The following BCAR3 variants were observed in gnomAD, a reference collection of about 807,000 sequenced individuals.
BCAR3 encodes the protein BCAR3 adaptor protein, NSP family member, also known as breast cancer anti-estrogen resistance protein 3.
In BCAR3, 37 loss-of-function variants were observed where a neutral mutation model predicts 80.1. The ratio of observed to expected loss-of-function variants is 0.46; its 90% CI spans 0.36 to 0.61. The LOEUF is 0.61. BCAR3 is among the 20% of genes least tolerant of loss of function. The pLI is 0.00. For synonymous variants in BCAR3, 389 were observed against 418.9 expected (o/e 0.93, Z 0.87); for missense variants, 978 against 1,068.2 (o/e 0.92, Z 1.18).
chr1:93,766,183 G>A (rs962618883), intron 2 of BCAR3, among the ~76,000 whole-genome samples: 14 of 152,294 alleles, frequency 9.2e-5, no homozygotes, highest in Non-Finnish European at 1.9e-4. Flanking sequence ...AGAGATGTGT[G>A]GGATAGTCAG....
intron 3 of BCAR3, among the ~76,000 whole-genome samples, chr1:93,700,768 C>T (rs750007113): frequency 2.0e-5 from 3 of 152,216 alleles, no homozygotes; most frequent in Admixed American, 2.0e-4. Context: ...TGGACACAGT[C>T]GGGAGCTGTC....
intron 3 of BCAR3, among the ~76,000 whole-genome samples, chr1:93,612,349 G>C (rs759409422): frequency 6.6e-6 from 1 of 151,992 alleles, no homozygotes; most frequent in Non-Finnish European, 1.5e-5. Flanking sequence ...GAGTGGCCAC[G>C]GTGGAGAGAT....
At chr1:93,720,558 C>T (rs964137448) in intron 2 of BCAR3, among the ~76,000 whole-genome samples, 3 of 152,184 alleles carry the variant, frequency 2.0e-5, no homozygotes, top group African/African-American at 4.8e-5. Flanking sequence ...CAGACCACAG[C>T]GCCTGATGGA....
chr1:93,703,887 C>T (rs904892132), intron 3 of BCAR3, among the ~76,000 whole-genome samples: 6 of 152,168 alleles, frequency 3.9e-5, no homozygotes, highest in East Asian at 1.9e-4. Context: ...GACGAGTGCA[C>T]GAGTCAGGTA....
intron 3 of BCAR3, among the ~76,000 whole-genome samples, chr1:93,626,217 T>C (rs1336666698): frequency 1.3e-5 from 2 of 152,222 alleles, no homozygotes; most frequent in East Asian, 1.9e-4. Context: ...CTCTCAATTT[T>C]TTCCTTACTT....
At chr1:93,832,339 GC>G (rs202156737) in intron 2 of BCAR3, among the ~76,000 whole-genome samples, 1,979 of 152,316 alleles carry the variant, frequency 0.013, 41 homozygotes, top group African/African-American at 0.045. Context: ...TGCTTCAAGT[GC>G]CGGAAATCTG....
intron 9 of BCAR3, among the ~76,000 whole-genome samples, chr1:93,570,813 G>A (rs1339635889): frequency 6.6e-6 from 1 of 152,188 alleles, no homozygotes; most frequent in Non-Finnish European, 1.5e-5. Context: ...ATCCTAATTG[G>A]TTCTCCTTGA....
chr1:93,648,014 T>A (rs1676199513), intron 2 of BCAR3, among the ~76,000 whole-genome samples: 1 of 152,110 alleles, frequency 6.6e-6, no homozygotes, highest in East Asian at 1.9e-4. Flanking sequence ...CCTCAACTGA[T>A]CCGCCCACCT....
intron 2 of BCAR3, among the ~76,000 whole-genome samples, chr1:93,743,719 T>C (rs1651257197): frequency 6.6e-6 from 1 of 152,202 alleles, no homozygotes; most frequent in African/African-American, 2.4e-5. Flanking sequence ...GACAAGCTCA[T>C]TCTTACCCAG....
chr1:93,590,551 C>A (rs1285317984), intron 4 of BCAR3, among the ~76,000 whole-genome samples: 1 of 152,194 alleles, frequency 6.6e-6, no homozygotes, highest in African/African-American at 2.4e-5. Context: ...AATGTAATGA[C>A]CATGATAAGG....
At chr1:93,833,815 T>A (rs974221367) in intron 2 of BCAR3, among the ~76,000 whole-genome samples, 1 of 152,132 alleles carries the variant, frequency 6.6e-6, no homozygotes, top group African/African-American at 2.4e-5. Flanking sequence ...GATAACACAA[T>A]CATCACAGGG....
intron 2 of BCAR3, among the ~76,000 whole-genome samples, chr1:93,653,407 G>A (rs1415344717): frequency 6.6e-6 from 1 of 152,140 alleles, no homozygotes; most frequent in African/African-American, 2.4e-5. Flanking sequence ...ACTTGGCATG[G>A]TGTCTGTATT....
chr1:93,745,043 C>A (rs952754137), intron 2 of BCAR3, among the ~76,000 whole-genome samples: 1 of 152,236 alleles, frequency 6.6e-6, no homozygotes, highest in Non-Finnish European at 1.5e-5. Flanking sequence ...AGCAGGTACA[C>A]TCTTGTTGGA....
At chr1:93,657,717 T>TGTATG (rs1012860725) in intron 2 of BCAR3, among the ~76,000 whole-genome samples, 4 of 151,088 alleles carry the variant, frequency 2.6e-5, no homozygotes, top group African/African-American at 9.7e-5. Flanking sequence ...TTAAGTCTGA[T>TGTATG]GTATGGCCCA....
At position 93,815,406 on chromosome 1, in the gene BCAR3, T is replaced by C. The variant is rs190144587; in HGVS notation, c.-63+30161A>G. Among the ~76,000 whole-genome samples, 208 of 152,336 alleles carry C rather than the reference T, an allele frequency of 1.4e-3. 2 individuals are homozygous for C. The highest frequency in any genetic ancestry group is 4.7e-3 in the African/African-American group (196 of 41,568). ...TTAGTTGTTTCTTTTCTTACTCGAA[T>C]TTACTCTTCAGAACAGAGGCATTTG... On this transcript the variant is annotated intron_variant, in intron 2 of 13. Coordinates refer to the BCAR3 transcript ENST00000370244.
At chr1:93,688,764 GT>G (rs1376716645) in intron 3 of BCAR3, among the ~76,000 whole-genome samples, 8 of 141,782 alleles carry the variant, frequency 5.6e-5, no homozygotes, top group Non-Finnish European at 1.0e-4. Context: ...CCTGGCTAAG[GT>G]TTTTTTGTTT....
At chr1:93,697,978 C>CAAAACA (rs926682769) in intron 3 of BCAR3, among the ~76,000 whole-genome samples, 7 of 152,004 alleles carry the variant, frequency 4.6e-5, no homozygotes, top group African/African-American at 1.7e-4. Flanking sequence ...AACTCTGTCT[C>CAAAACA]AAAACAAAAA....
intron 2 of BCAR3, among the ~76,000 whole-genome samples, chr1:93,765,828 G>A (rs528214539): frequency 4.0e-5 from 6 of 151,886 alleles, no homozygotes; most frequent in Admixed American, 6.6e-5. Flanking sequence ...CACCATGCCC[G>A]GCTAATTTTT....
chr1:93,805,364 A>T (rs1300653252), intron 2 of BCAR3, among the ~76,000 whole-genome samples: 2 of 152,250 alleles, frequency 1.3e-5, no homozygotes, highest in African/African-American at 2.4e-5. Context: ...AAAGGATCCT[A>T]GATAGCAGTA....
Sources: gnomAD v4.1 joint callset for allele counts (sites outside exome capture counted in the v4.1 genomes callset) on GRCh38, gnomAD v4.1.1 for gene constraint, MANE v1.5 for transcripts, NCBI Gene and HGNC (gene_info 2026-07-23, HGNC 2026-07-21) for gene names.